ADGB: variants seen among roughly 807,000 people sequenced by gnomAD.
The protein encoded by ADGB is androglobin.
In ADGB, 172 loss-of-function variants were observed where a neutral mutation model predicts 210.5. The ratio of observed to expected loss-of-function variants is 0.82; its 90% CI spans 0.72 to 0.93. ADGB has a LOEUF of 0.93. Among genes scored for constraint, ADGB ranks in the 40% least tolerant of loss-of-function variants. The pLI is 0.00. For missense variants in ADGB, 2,025 were observed against 1,964.8 expected (o/e 1.03, Z -0.58); for synonymous variants, 658 against 662.7 (o/e 0.99, Z 0.11).
intron 12 of ADGB, among the ~76,000 whole-genome samples, chr6:146,695,228 T>C (rs1447429179): frequency 1.3e-5 from 2 of 152,202 alleles, no homozygotes; most frequent in Non-Finnish European, 2.9e-5. Flanking sequence ...ATAGTACTAA[T>C]GATGTCTTTA....
chr6:146,803,975 A>G (rs991167363), intron 35 of ADGB, among the ~76,000 whole-genome samples: 2 of 152,220 alleles, frequency 1.3e-5, no homozygotes, highest in Admixed American at 6.5e-5. Context: ...AAAGTGAAGT[A>G]GGAGGAAGAT....
At chr6:146,690,590 G>T (rs2114920946) in intron 10 of ADGB, among the ~76,000 whole-genome samples, 1 of 152,272 alleles carries the variant, frequency 6.6e-6, no homozygotes, top group Admixed American at 6.5e-5. Context: ...ATCTGCCTGG[G>T]CAACTCCTTG....
At chr6:146,656,292 A>G (rs1266312507) in intron 4 of ADGB, among the ~76,000 whole-genome samples, 1 of 152,230 alleles carries the variant, frequency 6.6e-6, no homozygotes, top group Non-Finnish European at 1.5e-5. Flanking sequence ...GATTTACAGT[A>G]TATTTATGTG....
At chr6:146,724,363 T>C (rs1259418152) in intron 18 of ADGB, 36 bp downstream of exon 18, 1 of 1,484,056 alleles carries the variant, frequency 6.7e-7, no homozygotes, top group East Asian at 2.5e-5. Context: ...TAATAAAAAT[T>C]GTTTGAAGGC....
Position 146,672,845 on chromosome 6 carries a change from C to G in ADGB, c.1087+378C>G, listed in dbSNP as rs544443067. Among the ~76,000 whole-genome samples the G allele has an allele frequency of 1.0e-3, 153 of 151,924 alleles. 1 individual carries two copies. The highest frequency in any genetic ancestry group is 9.3e-4 in the Non-Finnish European group (63 of 67,984). On this transcript the variant is annotated intron_variant, in intron 8 of 35. Transcript: ENST00000397944. ...TCCCAGGATCAAGTGATTCGCCTGCCTCAGCCTCCCAAGTAGCTGGGGTTA... is the reference window on the plus strand; with the variant it reads ...TCCCAGGATCAAGTGATTCGCCTGCGTCAGCCTCCCAAGTAGCTGGGGTTA...
chr6:146,727,361 A>C (rs894299735), intron 19 of ADGB, among the ~76,000 whole-genome samples: 1 of 152,046 alleles, frequency 6.6e-6, no homozygotes, highest in African/African-American at 2.4e-5. Flanking sequence ...GCCATCTCTC[A>C]CTAGCTCTCT....
intron 9 of ADGB, among the ~76,000 whole-genome samples, chr6:146,680,642 T>G (rs1463421086): frequency 6.6e-6 from 1 of 152,188 alleles, no homozygotes; most frequent in African/African-American, 2.4e-5. Context: ...AAGTTAGCCA[T>G]GTACTCAGTG....
At chr6:146,635,261 A>G in intron 1 of ADGB, 114 bp from the exon 2 acceptor site, 1 of 930,086 alleles carries the variant, frequency 1.1e-6, no homozygotes, top group Non-Finnish European at 1.4e-6. Flanking sequence ...TGTATTAAAA[A>G]TGTAGTTAGT....
chr6:146,664,276 A>G lies in ADGB; in HGVS notation c.688A>G (p.Thr230Ala), dbSNP rs1277955281. ...TAACAATCTATTGCTTCCAGCTACA[A>G]CTTATGAATTTGAACTGTGGCCAAT... ...EDNNLLLPAT[T>A]YEFELWPMLL... Residue 230 changes from threonine (T) to alanine (A), a missense_variant, in exon 6 of 36, where the codon ACT becomes GCT. Coordinates refer to ENST00000397944, the MANE Select transcript of ADGB (RefSeq NM_024694.4). 6 of 1,550,166 alleles carry G rather than the reference A, an allele frequency of 3.9e-6. 1 individual carries two copies. The South Asian group carries it at 7.1e-5, about 18-fold the overall frequency.
In ADGB at chr6:146,733,263, T is replaced by C. The variant is rs1445584380; in HGVS notation, c.2656+8T>C. The C allele has an allele frequency of 2.2e-5, 32 of 1,471,874 alleles. No individual in the cohort carries two copies. Among genetic ancestry groups the C allele is most frequent in the Non-Finnish European group, 2.8e-5 (31 of 1,117,692 alleles). 91.2% of individuals were successfully genotyped at this position (1,471,874 alleles called of 1,614,324 possible). A position where few individuals can be genotyped will look rare whatever the true frequency, so the allele number is the denominator to read the frequency against. On this transcript the variant is annotated splice_region_variant and intron_variant, in intron 21 of 35. Coordinates refer to ENST00000397944, the MANE Select transcript of ADGB (RefSeq NM_024694.4). ...TGGAAGAGGTTTCTTTAGGTACCCATGAATTGTATATATTTAATCAAGGAA... is the reference window on the plus strand; with the variant it reads ...TGGAAGAGGTTTCTTTAGGTACCCACGAATTGTATATATTTAATCAAGGAA...
At chr6:146,732,578 T>TAAAA (rs10668448) in intron 20 of ADGB, among the ~76,000 whole-genome samples, 8 of 148,676 alleles carry the variant, frequency 5.4e-5, no homozygotes, top group African/African-American at 1.5e-4. Flanking sequence ...GCTATTTTGG[T>TAAAA]AAAAAAAAAA....
chr6:146,764,118 G>A lies in ADGB; in HGVS notation c.3750+18G>A, dbSNP rs1269030850. 2 of 1,514,514 alleles carry A rather than the reference G, an allele frequency of 1.3e-6. No homozygotes were observed. The highest frequency in any genetic ancestry group is 1.8e-6 in the Non-Finnish European group (2 of 1,126,820). 93.8% of individuals were successfully genotyped at this position (1,514,514 alleles called of 1,614,324 possible). ...CACTGCAGGTATATTAAAAACAATT[G>A]TTCAATTGGACTGTTCCTAAAACCC... On this transcript the variant is annotated intron_variant, in intron 28 of 35. Coordinates refer to ENST00000397944, the MANE Select transcript of ADGB (RefSeq NM_024694.4).
intron 1 of ADGB, among the ~76,000 whole-genome samples, chr6:146,611,880 T>G (rs1352952559): frequency 6.6e-6 from 1 of 152,174 alleles, no homozygotes; most frequent in Non-Finnish European, 1.5e-5. Flanking sequence ...GTTAAAGTCT[T>G]TATGGATACC....
At chr6:146,737,759 T>C (rs1038147332) in intron 23 of ADGB, among the ~76,000 whole-genome samples, 2 of 152,142 alleles carry the variant, frequency 1.3e-5, no homozygotes, top group African/African-American at 4.8e-5. Context: ...AAAAAGTGAG[T>C]GTCCCTATTA....
At position 146,621,713 on chromosome 6, in the gene ADGB, A is replaced by T. The variant is rs145485384; in HGVS notation, c.75-13662A>T. 3.3e-3 allele frequency among the ~76,000 whole-genome samples: 508 copies of T among 152,164 alleles called. 2 individuals carry two copies. The highest frequency in any genetic ancestry group is 0.011 in the African/African-American group (469 of 41,526). On this transcript the variant is annotated intron_variant, in intron 1 of 35. Transcript: ENST00000397944. Reference sequence around the variant, plus strand: ...TGTGGGGGAAGTGATGATGCTTAGGATCTTCTATTCTGTCATCTTGCTGTC... The same window carrying T: ...TGTGGGGGAAGTGATGATGCTTAGGTTCTTCTATTCTGTCATCTTGCTGTC...
chr6:146,718,689 C>T (rs1427951296), intron 16 of ADGB, among the ~76,000 whole-genome samples: 2 of 152,170 alleles, frequency 1.3e-5, no homozygotes, highest in African/African-American at 4.8e-5. Context: ...CACCCAAGCC[C>T]CTAATGATAA....
intron 17 of ADGB, among the ~76,000 whole-genome samples, chr6:146,723,621 C>T (rs766160797): frequency 6.6e-6 from 1 of 152,030 alleles, no homozygotes; most frequent in Non-Finnish European, 1.5e-5. Flanking sequence ...CCTGTAATCC[C>T]CGGTACTCCA....
At chr6:146,785,764 C>A (rs773325857) in intron 32 of ADGB, 52 bp downstream of exon 32, 8 of 1,300,232 alleles carry the variant, frequency 6.2e-6, no homozygotes, top group Non-Finnish European at 8.6e-6. Flanking sequence ...CTGTGATTTG[C>A]ACTTCTTAAA....
At chr6:146,737,939 C>G (rs1562288181) in intron 23 of ADGB, among the ~76,000 whole-genome samples, 1 of 152,172 alleles carries the variant, frequency 6.6e-6, no homozygotes. Context: ...TCTACATACA[C>G]ATTTCTTGGA....
Sources: allele counts gnomAD v4.1 joint callset (sites outside exome capture counted in the v4.1 genomes callset), GRCh38; gene constraint gnomAD v4.1.1; transcripts MANE v1.5; gene names NCBI Gene and HGNC (gene_info 2026-07-23, HGNC 2026-07-21).